Variants in EGLN2 observed in about 807,000 individuals in gnomAD.
The protein encoded by EGLN2 is prolyl hydroxylase EGLN2.
EGLN2 carries 15 observed loss-of-function variants against 38.2 expected under a neutral mutation model. That is an observed-to-expected ratio of 0.39 (90% CI 0.26 to 0.60). The LOEUF (loss-of-function observed/expected upper bound fraction) is 0.60. Among genes scored for constraint, EGLN2 ranks in the 20% least tolerant of loss-of-function variants. The pLI, the probability that EGLN2 is intolerant of heterozygous loss-of-function variation, is 0.50. For missense variants in EGLN2, 492 were observed against 570.4 expected (o/e 0.86, Z 1.40); for synonymous variants, 284 against 237.4 (o/e 1.20, Z -1.81).
intron 1 of EGLN2, 32 bp from the exon 2 acceptor site, chr19:40,800,307 C>G (rs1264829910): frequency 1.1e-5 from 5 of 451,262 alleles, no homozygotes; most frequent in Non-Finnish European, 1.6e-5. Context: ...TCTAGTTTCT[C>G]TCACATCCCT....
chr19:40,800,624 C>A lies in EGLN2; in HGVS notation c.52C>A (p.Pro18Thr), dbSNP rs1365153596. Residue 18 changes from proline (P) to threonine (T), a missense_variant, in exon 2 of 6, where the codon CCA becomes ACA. Transcript: ENST00000303961. Reference sequence around the variant, plus strand: ...CCTAAGTCAGGCTCTCCCTCAGTTACCAGGGTCTTCGTCAGAGCCCTTGGA... The same window carrying A: ...CCTAAGTCAGGCTCTCCCTCAGTTAACAGGGTCTTCGTCAGAGCCCTTGGA... ...QPLSQALPQL[P>T]GSSSEPLEPE... 1 of 1,613,564 alleles carries A rather than the reference C, an allele frequency of 6.2e-7. No individual in the cohort carries two copies. Among genetic ancestry groups the A allele is most frequent in the Non-Finnish European group, 8.5e-7 (1 of 1,179,884 alleles).
Position 40,807,555 on chromosome 19 carries a change from C to T in EGLN2, c.1168+4C>T, listed in dbSNP as rs1271596037. 2.5e-6 allele frequency: 4 copies of T among 1,613,974 alleles called. No homozygotes were observed. In the Admixed American group the frequency reaches 5.0e-5, roughly 20 times the overall value. On this transcript the variant is annotated splice_donor_region_variant and intron_variant, in intron 5 of 5. Coordinates refer to ENST00000303961, the MANE Select transcript of EGLN2 (RefSeq NM_080732.4). ...GCCAAAGACAAGTATCAGCTAGGTA[C>T]CTGCTTCCCTCCCTTCAGTCCTTCC...
chr19:40,805,656 C>T (rs1260652910), intron 2 of EGLN2: 1 of 152,220 alleles, frequency 6.6e-6, no homozygotes, highest in African/African-American at 2.4e-5. Context: ...GACAAACATC[C>T]CGGGGCCCTG....
At chr19:40,807,578 TC>T in intron 5 of EGLN2, 27 bp downstream of exon 5, 1 of 1,612,714 alleles carries the variant, frequency 6.2e-7, no homozygotes. Context: ...CTTCAGTCCT[TC>T]CTATTCTGTG....
chr19:40,801,235 C>T lies in EGLN2; in HGVS notation c.663C>T (p.Asp221=), dbSNP rs150973573. 845 of 1,612,696 alleles carry T rather than the reference C, an allele frequency of 5.2e-4. 3 individuals are homozygous for T. The African/African-American group carries it at 6.0e-3, about 11-fold the overall frequency. ...TCAAACGGGGTGGGCGCCTGCGAGA[C>T]GGGCAGCTAGTGAGCCAGAGGGCGA... ...EALKRGGRLR[D]GQLVSQRAIP... Residue 221 remains aspartate (D), a synonymous_variant, in exon 2 of 6, where the codon GAC becomes GAT. Coordinates refer to ENST00000303961, the MANE Select transcript of EGLN2 (RefSeq NM_080732.4).
Position 40,806,774 on chromosome 19 carries a change from A to G in EGLN2, c.963+100A>G, listed in dbSNP as rs1029860679. 8.1e-5 allele frequency: 121 copies of G among 1,495,736 alleles called. 3 individuals are homozygous for G. In the South Asian group the frequency reaches 1.4e-3, roughly 18 times the overall value. 92.7% of individuals were successfully genotyped at this position (1,495,736 alleles called of 1,614,324 possible). A position where few individuals can be genotyped will look rare whatever the true frequency, so the allele number is the denominator to read the frequency against. On this transcript the variant is annotated intron_variant, in intron 3 of 5. Coordinates refer to ENST00000303961, the MANE Select transcript of EGLN2 (RefSeq NM_080732.4). ...TTCCACTCTCAGCCCAGATTCTGGC[A>G]TTCTCCTGTTTCTCTTCTCAACACA...
chr19:40,806,538 C>T lies in EGLN2; in HGVS notation c.844-17C>T, dbSNP rs775339980. Reference sequence around the variant, plus strand: ...CTGCCTAGCCCCAGTAAACCTACCTCCCTCCATCCCTGCCAGGCCATGGTG... The same window carrying T: ...CTGCCTAGCCCCAGTAAACCTACCTTCCTCCATCCCTGCCAGGCCATGGTG... On this transcript the variant is annotated splice_polypyrimidine_tract_variant and intron_variant, in intron 2 of 5. Coordinates refer to ENST00000303961, the MANE Select transcript of EGLN2 (RefSeq NM_080732.4). 11 of 1,613,846 alleles carry T rather than the reference C, an allele frequency of 6.8e-6. No homozygotes were observed. Among genetic ancestry groups the T allele is most frequent in the Non-Finnish European group, 9.3e-6 (11 of 1,179,888 alleles).
In EGLN2 at chr19:40,806,876, T is replaced by G. The variant is rs376275204; in HGVS notation, c.963+202T>G. 6 of 922,632 alleles carry G rather than the reference T, an allele frequency of 6.5e-6. No individual in the cohort carries two copies. The East Asian group carries it at 1.1e-4, about 16-fold the overall frequency. The allele number at this position is 922,632 out of a possible 1,614,324, so 57.2% of individuals were successfully genotyped here. Reference sequence around the variant, plus strand: ...CTCTAGCGGACTGTGTGGTGGGAACTCCCCTCTTTCCGGGAATGGTGCTGT... The same window carrying G: ...CTCTAGCGGACTGTGTGGTGGGAACGCCCCTCTTTCCGGGAATGGTGCTGT... On this transcript the variant is annotated intron_variant, in intron 3 of 5. Transcript: ENST00000303961.
At chr19:40,806,952 C>G (rs2083307585) in intron 3 of EGLN2, 186 bp from the exon 4 acceptor site, 8 of 1,034,856 alleles carry the variant, frequency 7.7e-6, no homozygotes, top group Admixed American at 2.7e-5. Flanking sequence ...CTTTTCCTGT[C>G]TTTAGTAGCT....
intron 2 of EGLN2, chr19:40,804,941 G>A (rs2083290130): frequency 6.6e-6 from 1 of 152,278 alleles, no homozygotes; most frequent in South Asian, 2.1e-4. Flanking sequence ...GCAAGGTCTG[G>A]TGGATGAGGT....
At chr19:40,804,003 G>A (rs770224134) in intron 2 of EGLN2, 9 of 152,148 alleles carry the variant, frequency 5.9e-5, no homozygotes, top group Non-Finnish European at 1.2e-4. Flanking sequence ...GGGGCCAGAG[G>A]ATGCTTTCAC....
Position 40,800,366 on chromosome 19 carries a change from C to T in EGLN2, c.-207C>T. 2 of 690,942 alleles carry T rather than the reference C, an allele frequency of 2.9e-6. No homozygotes were observed. Among genetic ancestry groups the T allele is most frequent in the Non-Finnish European group, 4.6e-6 (2 of 430,594 alleles). The allele number at this position is 690,942 out of a possible 1,614,324, so 42.8% of individuals were successfully genotyped here. A position where few individuals can be genotyped will look rare whatever the true frequency, so the allele number is the denominator to read the frequency against. ...ACCCTGAAGGGTCCCTTCCCAAGCC[C>T]TTAGGGACCGCAGAGGACTTGGGGA... On this transcript the variant is annotated 5_prime_UTR_variant, in exon 2 of 6. Transcript: ENST00000303961.
intron 2 of EGLN2, among the ~76,000 whole-genome samples, chr19:40,801,822 C>T (rs1322604130): frequency 9.9e-5 from 15 of 151,796 alleles, no homozygotes; most frequent in East Asian, 1.9e-4. Flanking sequence ...CGGCCTTCTG[C>T]GTGTTTGTGT....
At position 40,807,497 on chromosome 19, in the gene EGLN2, G is replaced by T; in HGVS notation, c.1114G>T (p.Val372Phe). Residue 372 changes from valine (V) to phenylalanine (F), a missense_variant, in exon 5 of 6, where the codon GTC becomes TTC. By Grantham distance (50) the Val-to-Phe change is conservative. Around this residue, in one of 2 missense-constraint regions of EGLN2, gnomAD observed 114 missense variants for 184.2 expected, o/e 0.62. Coordinates refer to ENST00000303961, the MANE Select transcript of EGLN2 (RefSeq NM_080732.4). Reference protein sequence around the residue: ...PAYATRYAITVWYFDAKERAA... With the variant: ...PAYATRYAITFWYFDAKERAA... ...CCTGGTCTCCAGGTACGCCATCACT[G>T]TCTGGTATTTTGATGCCAAGGAGCG... is the stretch of plus-strand genomic sequence containing the variant. 1 of 1,614,182 alleles carries T rather than the reference G, an allele frequency of 6.2e-7. No individual in the cohort carries two copies. The highest frequency in any genetic ancestry group is 1.1e-5 in the South Asian group (1 of 91,086).
Position 40,808,371 on chromosome 19 carries a change from A to T in EGLN2, c.*507A>T, listed in dbSNP as rs2083321364. On this transcript the variant is annotated 3_prime_UTR_variant, in exon 6 of 6. Coordinates refer to ENST00000303961, the MANE Select transcript of EGLN2 (RefSeq NM_080732.4). ...CTGCTTGGGCAGAGTAAAAGGTGCC[A>T]GGAGGAGCATGGGTGTGGAAGTCCT... is the stretch of plus-strand genomic sequence containing the variant. The T allele has an allele frequency of 2.5e-6, 1 of 404,514 alleles. No individual in the cohort carries two copies. Among genetic ancestry groups the T allele is most frequent in the African/African-American group, 2.0e-5 (1 of 48,862 alleles). 25.1% of individuals were successfully genotyped at this position (404,514 alleles called of 1,614,324 possible). A position where few individuals can be genotyped will look rare whatever the true frequency, so the allele number is the denominator to read the frequency against.
At chr19:40,801,554 G>T (rs1169618291) in intron 2 of EGLN2, 139 bp downstream of exon 2, 8 of 1,256,418 alleles carry the variant, frequency 6.4e-6, no homozygotes, top group Non-Finnish European at 8.7e-6. Flanking sequence ...GAGTGGGTAT[G>T]CTTACTTGTG....
intron 2 of EGLN2, chr19:40,803,012 C>T (rs996787588): frequency 6.6e-6 from 1 of 152,322 alleles, no homozygotes; most frequent in Non-Finnish European, 1.5e-5. Context: ...TGTTCTACTT[C>T]CCTCTCCCTC....
At chr19:40,802,575 T>C (rs1373311310) in intron 2 of EGLN2, among the ~76,000 whole-genome samples, 1 of 152,276 alleles carries the variant, frequency 6.6e-6, no homozygotes, top group African/African-American at 2.4e-5. Flanking sequence ...TTAAGACAAA[T>C]GCTCATTTGC....
In EGLN2 at chr19:40,801,398, A is replaced by G; in HGVS notation, c.826A>G (p.Ile276Val). The G allele has an allele frequency of 6.2e-7, 1 of 1,605,872 alleles. No individual in the cohort carries two copies. The highest frequency in any genetic ancestry group is 8.5e-7 in the Non-Finnish European group (1 of 1,178,708). The change falls in exon 2 of 6, where the codon ATC becomes GTC. Residue 276 changes from isoleucine (I) to valine (V), a missense_variant. By Grantham distance (29) the Ile-to-Val change is conservative (BLOSUM62 3). This residue lies in a region of EGLN2 where 378 missense variants were observed against 386.2 expected (regional missense o/e 0.98). Coordinates refer to ENST00000303961, the MANE Select transcript of EGLN2 (RefSeq NM_080732.4). ...CGCAGGGCGGCTGGGCAGCTATGTC[A>G]TCAACGGGCGCACCAAGGTAAGGCT... ...HCAGRLGSYV[I>V]NGRTKAMVAC...
Sources: allele counts gnomAD v4.1 joint callset (sites outside exome capture counted in the v4.1 genomes callset), GRCh38; gene constraint gnomAD v4.1.1; regional missense constraint gnomAD v4.1.1; transcripts MANE v1.5; gene names NCBI Gene and HGNC (gene_info 2026-07-23, HGNC 2026-07-21).